NR5A2: variants seen among roughly 807,000 people sequenced by gnomAD.
NR5A2 encodes CYP7A promoter-binding factor.
In NR5A2, 26 loss-of-function variants were observed where a neutral mutation model predicts 62.7. The observed-to-expected ratio is 0.41, with a 90% CI of 0.30 to 0.58. The LOEUF is 0.58. Ranked by LOEUF, NR5A2 falls within the 20% of genes least tolerant of loss-of-function variation. The pLI is 0.22. For synonymous variants in NR5A2, 246 were observed against 241.7 expected (o/e 1.02, Z -0.16); for missense variants, 541 against 669.1 (o/e 0.81, Z 2.11).
chr1:200,099,701 C>A (rs747424916), intron 5 of NR5A2, among the ~76,000 whole-genome samples: 1 of 152,156 alleles, frequency 6.6e-6, no homozygotes, highest in South Asian at 2.1e-4. Context: ...TCAAGTGATT[C>A]TCCTGCCTCA....
intron 6 of NR5A2, among the ~76,000 whole-genome samples, chr1:200,113,603 C>T (rs1666064020): frequency 1.3e-5 from 2 of 152,134 alleles, no homozygotes; most frequent in Non-Finnish European, 2.9e-5. Flanking sequence ...GTACCTAGCA[C>T]AAAGCTGAAT....
intron 5 of NR5A2, among the ~76,000 whole-genome samples, chr1:200,080,510 T>C (rs1664242897): frequency 6.6e-6 from 1 of 152,160 alleles, no homozygotes; most frequent in Non-Finnish European, 1.5e-5. Flanking sequence ...ATGCTTATTT[T>C]ATGGCAAGCA....
At position 200,130,512 on chromosome 1, in the gene NR5A2, A is replaced by G. The variant is rs543255351; in HGVS notation, c.1378+9557A>G. 7.2e-5 allele frequency among the ~76,000 whole-genome samples: 11 copies of G among 152,324 alleles called. No individual in the cohort carries two copies. The South Asian group carries it at 2.3e-3, about 32-fold the overall frequency. On this transcript the variant is annotated intron_variant, in intron 7 of 7. Coordinates refer to ENST00000367362, the MANE Select transcript of NR5A2 (RefSeq NM_205860.3). ...GCCTGTTCTTATCCCTTAGTTGACT[A>G]CCTCATCACTGGAAGTGCTGTAAGA... is the stretch of plus-strand genomic sequence containing the variant.
intron 4 of NR5A2, among the ~76,000 whole-genome samples, chr1:200,047,868 G>A (rs557960646): frequency 5.7e-4 from 87 of 152,202 alleles, no homozygotes; most frequent in Non-Finnish European, 1.1e-3. Flanking sequence ...GTGAGCCACC[G>A]CACCACGCCT....
chr1:200,152,451 G>A (rs544175435), intron 7 of NR5A2, among the ~76,000 whole-genome samples: 15 of 152,088 alleles, frequency 9.9e-5, no homozygotes, highest in Non-Finnish European at 1.9e-4. Context: ...AGGCAAAAAC[G>A]TGCCTGATAA....
rs1321974070 is a variant in NR5A2, at chr1:200,039,427, C to A, written c.65-231C>A. ...CCGCCTGCGCCCTTGCGGAGCCGAA[C>A]CAGAGGGCCGGGACGCTGTCTTCCT... On this transcript the variant is annotated intron_variant, in intron 1 of 7. Coordinates refer to ENST00000367362, the MANE Select transcript of NR5A2 (RefSeq NM_205860.3). This position sits in a 1 kb window ranked among gnomAD's most constrained non-coding sequence, Gnocchi z 5.1. Among the ~76,000 whole-genome samples, 1 of 152,054 alleles carries A rather than the reference C, an allele frequency of 6.6e-6. No homozygotes were observed. The highest frequency in any genetic ancestry group is 1.5e-5 in the Non-Finnish European group (1 of 67,998).
chr1:200,121,094 G>A (rs1375004841), intron 7 of NR5A2, 139 bp downstream of exon 7: 1 of 853,606 alleles, frequency 1.2e-6, no homozygotes, highest in Non-Finnish European at 1.8e-6. Context: ...CTTCAAACGT[G>A]AATATATTTT....
chr1:200,044,792 A>T (rs1168517196), intron 3 of NR5A2, among the ~76,000 whole-genome samples: 1 of 152,240 alleles, frequency 6.6e-6, no homozygotes, highest in East Asian at 1.9e-4. Context: ...TTTTATATAA[A>T]ATATAAGGAA....
chr1:200,167,209 A>T (rs1206889711), intron 7 of NR5A2, among the ~76,000 whole-genome samples: 1 of 152,026 alleles, frequency 6.6e-6, no homozygotes, highest in African/African-American at 2.4e-5. Context: ...ATCTTCACCC[A>T]ATATTCCATG....
chr1:200,076,700 C>T (rs1021359509), intron 5 of NR5A2, among the ~76,000 whole-genome samples: 1 of 152,044 alleles, frequency 6.6e-6, no homozygotes, highest in Admixed American at 6.5e-5. Flanking sequence ...TGAGTAGGTA[C>T]AGAGTTGCCA....
At chr1:200,095,843 C>T (rs7533712) in intron 5 of NR5A2, among the ~76,000 whole-genome samples, 12,594 of 152,004 alleles carry the variant, frequency 0.083, 690 homozygotes, top group Non-Finnish European at 0.12. Context: ...TGAGCCCCCG[C>T]GCCCGGCCAG....
At chr1:200,143,825 A>C (rs1243846576) in intron 7 of NR5A2, among the ~76,000 whole-genome samples, 1 of 151,670 alleles carries the variant, frequency 6.6e-6, no homozygotes, top group Non-Finnish European at 1.5e-5. Flanking sequence ...TATTTTTAGT[A>C]GAGACAGTTT....
At chr1:200,035,923 C>T (rs1406156483) in intron 1 of NR5A2, among the ~76,000 whole-genome samples, 1 of 152,150 alleles carries the variant, frequency 6.6e-6, no homozygotes, top group Non-Finnish European at 1.5e-5. Flanking sequence ...GTCCCCCGGT[C>T]TCACCACAGA....
chr1:200,100,475 T>TCC (rs1558138251), intron 5 of NR5A2, among the ~76,000 whole-genome samples: 1 of 152,174 alleles, frequency 6.6e-6, no homozygotes, highest in East Asian at 1.9e-4. Context: ...GTCTCTGAGC[T>TCC]CCAAAGCTAT....
intron 2 of NR5A2, 93 bp from the exon 3 acceptor site, chr1:200,043,681 T>A: frequency 1.4e-6 from 1 of 690,500 alleles, no homozygotes; most frequent in Non-Finnish European, 2.4e-6. Flanking sequence ...ATGTGATATT[T>A]GCCCAGCAAT....
intron 7 of NR5A2, among the ~76,000 whole-genome samples, chr1:200,123,126 G>A (rs1666550549): frequency 6.6e-6 from 1 of 152,144 alleles, no homozygotes; most frequent in African/African-American, 2.4e-5. Context: ...AGTCCCCTGA[G>A]TCTGAAGCCT....
chr1:200,031,244 T>C (rs1661536525), intron 1 of NR5A2, among the ~76,000 whole-genome samples: 1 of 152,120 alleles, frequency 6.6e-6, no homozygotes, highest in Non-Finnish European at 1.5e-5. Flanking sequence ...TGTCTCAAAC[T>C]GGTAATCCCA....
chr1:200,091,790 C>A (rs1664830126), intron 5 of NR5A2, among the ~76,000 whole-genome samples: 1 of 152,064 alleles, frequency 6.6e-6, no homozygotes, highest in African/African-American at 2.4e-5. Context: ...GCCCCCTTTG[C>A]CATCTTAGTT....
At chr1:200,052,769 G>C (rs1662701482) in intron 5 of NR5A2, among the ~76,000 whole-genome samples, 1 of 152,016 alleles carries the variant, frequency 6.6e-6, no homozygotes, top group Non-Finnish European at 1.5e-5. Flanking sequence ...AGCCTCCTGA[G>C]TAGCTGGGAC....
Sources: allele counts gnomAD v4.1 joint callset (sites outside exome capture counted in the v4.1 genomes callset), GRCh38; gene constraint gnomAD v4.1.1; non-coding constraint Gnocchi (gnomAD v3.1); transcripts MANE v1.5; gene names NCBI Gene and HGNC (gene_info 2026-07-23, HGNC 2026-07-21).